The following SHPRH variants were observed in gnomAD, a reference collection of about 807,000 sequenced individuals.
The protein encoded by SHPRH is E3 ubiquitin-protein ligase SHPRH.
In SHPRH, 106 loss-of-function variants were observed where a neutral mutation model predicts 202.5. The observed-to-expected ratio is 0.52, with a 90% CI of 0.45 to 0.62. The LOEUF (loss-of-function observed/expected upper bound fraction) is 0.62, where lower values mean the gene tolerates loss of function less well. Ranked by LOEUF, SHPRH falls within the 20% of genes least tolerant of loss-of-function variation. SHPRH has a pLI of 0.00. For missense variants in SHPRH, 1,710 were observed against 2,020.0 expected (o/e 0.85, Z 2.94); for synonymous variants, 729 against 686.0 (o/e 1.06, Z -0.98).
At position 145,941,741 on chromosome 6, in the gene SHPRH, T is replaced by C. The variant is rs1786800094; in HGVS notation, c.2372A>G (p.Asp791Gly). 6.2e-7 allele frequency: 1 copy of C among 1,613,910 alleles called. No individual in the cohort carries two copies. The highest frequency in any genetic ancestry group is 1.3e-5 in the African/African-American group (1 of 74,910). ...YVDIPHSNSE[D>G]GRRLRNQKRY... is the part of the protein sequence containing the mutation. ...CTTCTGGTTCCGTAGGCGACGCCCA[T>C]CCTCACTATTGCTATGTGGGATATC... The change falls in exon 10 of 30, where the codon GAT becomes GGT. Residue 791 changes from aspartate to glycine, a missense_variant. By Grantham distance (94) the Asp-to-Gly change is moderately conservative. This residue lies in a region of SHPRH where 277 missense variants were observed against 363.0 expected (regional missense o/e 0.76). Transcript: ENST00000275233.
downstream of SHPRH, among the ~76,000 whole-genome samples, chr6:145,880,455 CCT>C (rs1388726554): frequency 6.6e-6 from 1 of 151,764 alleles, no homozygotes; most frequent in South Asian, 2.1e-4. Flanking sequence ...ATGGAGAAAC[CCT>C]GTCTCTACAA....
rs1045137567 is a variant in SHPRH at position 145,935,368 on chromosome 6, A to G, written c.2643T>C (p.Tyr881=). The change falls in exon 12 of 30, where the codon TAT becomes TAC. Residue 881 remains tyrosine (Y), a synonymous_variant. Coordinates refer to ENST00000275233, the MANE Select transcript of SHPRH (RefSeq NM_001042683.3). The part of the protein sequence containing the change: ...CVKHWWVRLL[Y]RPYCKKNPQH... ...GAGGATTCTTCTTGCAGTAAGGCCG[A>G]TAGAGAAGTCGAACCCACCAGTGTT... 15 of 1,614,076 alleles carry G rather than the reference A, an allele frequency of 9.3e-6. No individual in the cohort carries two copies. The highest frequency in any genetic ancestry group is 1.3e-5 in the Non-Finnish European group (15 of 1,179,998).
rs1780887740 is a variant in SHPRH, at chr6:145,885,120, C to A, written c.*1571G>T. 5 of 152,034 alleles carry A rather than the reference C, an allele frequency of 3.3e-5. No homozygotes were observed. The highest frequency in any genetic ancestry group is 2.6e-4 in the Admixed American group (4 of 15,258). 9.4% of individuals were successfully genotyped at this position (152,034 alleles called of 1,614,324 possible). A position where few individuals can be genotyped will look rare whatever the true frequency, so the allele number is the denominator to read the frequency against. On this transcript the variant is annotated 3_prime_UTR_variant, in exon 30 of 30. Transcript: ENST00000275233. The stretch of plus-strand genomic sequence containing the variant: ...GCTCCACTGTTTACTTGCTACATGT[C>A]CTAAGAAAGTTTCAATATATCTGAA...
downstream of SHPRH, among the ~76,000 whole-genome samples, chr6:145,860,215 T>C (rs1583237224): frequency 6.6e-6 from 1 of 151,978 alleles, no homozygotes; most frequent in Admixed American, 6.6e-5. Flanking sequence ...AACTATCTTA[T>C]ATCATGCACA....
At chr6:145,934,260 A>G (rs1785795052) in intron 13 of SHPRH, among the ~76,000 whole-genome samples, 1 of 151,958 alleles carries the variant, frequency 6.6e-6, no homozygotes, top group African/African-American at 2.4e-5. Context: ...TGAGGTCTGG[A>G]GTTCAAGACC....
chr6:145,943,238 T>C lies in SHPRH; in HGVS notation c.2143A>G (p.Thr715Ala). 2.5e-6 allele frequency: 4 copies of C among 1,613,854 alleles called. No homozygotes were observed. The highest frequency in any genetic ancestry group is 2.5e-6 in the Non-Finnish European group (3 of 1,179,912). The change falls in exon 9 of 30, where the codon ACA (threonine) becomes GCA (alanine). Residue 715 changes from threonine to alanine, a missense_variant. By Grantham distance (58) the Thr-to-Ala change is moderately conservative. Coordinates refer to ENST00000275233, the MANE Select transcript of SHPRH (RefSeq NM_001042683.3). ...GGAGAGATGATCAGAGTTGCTCTTG[T>C]TGACACTGGTTCCATTGCAACAAGG... ...HCLVAMEPVS[T>A]RATLIISPSS... is the part of the protein sequence containing the mutation.
chr6:145,923,509 G>GT, intron 18 of SHPRH, 134 bp downstream of exon 18: 1 of 1,098,890 alleles, frequency 9.1e-7, no homozygotes, highest in Non-Finnish European at 1.3e-6. Flanking sequence ...CAAAAAAGAA[G>GT]TATGAATGTG....
chr6:145,873,428 C>T (rs1780145463), intron 2 of SHPRH, among the ~76,000 whole-genome samples: 1 of 152,160 alleles, frequency 6.6e-6, no homozygotes, highest in Non-Finnish European at 1.5e-5. Context: ...TTTATTCTTA[C>T]ACTATCAATT....
chr6:145,943,431 A>G lies in SHPRH; in HGVS notation c.1950T>C (p.Ser650=). The part of the protein sequence containing the change: ...DSDVPPSNTM[S]PFNTSDYRFE... ...AGCGGTAATCAGAGGTGTTAAAGGG[A>G]CTCATGGTATTAGAAGGTGGTACAT... is the stretch of plus-strand genomic sequence containing the variant. The change falls in exon 9 of 30, where the codon AGT becomes AGC. Residue 650 remains serine, a synonymous_variant. Coordinates refer to ENST00000275233, the MANE Select transcript of SHPRH (RefSeq NM_001042683.3). 1 of 1,613,974 alleles carries G rather than the reference A, an allele frequency of 6.2e-7. No homozygotes were observed. The highest frequency in any genetic ancestry group is 8.5e-7 in the Non-Finnish European group (1 of 1,179,950).
At chr6:145,937,671 T>C (rs1334542400) in intron 11 of SHPRH, among the ~76,000 whole-genome samples, 3 of 152,218 alleles carry the variant, frequency 2.0e-5, no homozygotes, top group African/African-American at 4.8e-5. Context: ...ACATCCTCCA[T>C]GGTCCCATCT....
chr6:145,955,244 C>G lies in SHPRH; in HGVS notation c.79G>C (p.Glu27Gln), dbSNP rs758741939. Residue 27 changes from glutamate (E) to glutamine (Q), a missense_variant, in exon 2 of 30, where the codon GAG (glutamate) becomes CAG (glutamine). Physicochemically the swap from Glu to Gln is conservative, Grantham distance 29 (BLOSUM62 2). Around this residue, in one of 8 missense-constraint regions of SHPRH, gnomAD observed 459 missense variants for 426.5 expected, o/e 1.08. Coordinates refer to ENST00000275233, the MANE Select transcript of SHPRH (RefSeq NM_001042683.3). ...ATGATAGGTTCATTCCTTCTGTCCT[C>G]ATGCATATTCCAATGAAGCTGCTGC... ...KRQQLHWNMH[E>Q]DRRNEPIIIS... 3 of 1,613,184 alleles carry G rather than the reference C, an allele frequency of 1.9e-6. No individual in the cohort carries two copies. Among genetic ancestry groups the G allele is most frequent in the Non-Finnish European group, 2.5e-6 (3 of 1,179,902 alleles).
intron 23 of SHPRH, chr6:145,917,099 T>A (rs1279908721): frequency 6.6e-6 from 1 of 152,168 alleles, no homozygotes; most frequent in Non-Finnish European, 1.5e-5. Context: ...TGAAACTTTT[T>A]AATTTTTTTC....
intron 6 of SHPRH, among the ~76,000 whole-genome samples, chr6:145,947,133 T>C (rs1182903520): frequency 6.6e-6 from 1 of 152,066 alleles, no homozygotes; most frequent in Non-Finnish European, 1.5e-5. Context: ...GAGATTTGTA[T>C]AACATTTTTA....
chr6:145,941,778 A>G lies in SHPRH; in HGVS notation c.2335T>C (p.Leu779=), dbSNP rs1277082581. 1.1e-5 allele frequency: 17 copies of G among 1,613,912 alleles called. No individual in the cohort carries two copies. The highest frequency in any genetic ancestry group is 1.4e-5 in the Non-Finnish European group (17 of 1,179,980). Residue 779 remains leucine (L), a synonymous_variant, in exon 10 of 30, where the codon TTA becomes CTA. Coordinates refer to ENST00000275233, the MANE Select transcript of SHPRH (RefSeq NM_001042683.3). Reference sequence around the variant, plus strand: ...CTATGTGGGATATCGACATAATTTAATTCTGAACGCAGTACATCATAGGTA... The same window carrying G: ...CTATGTGGGATATCGACATAATTTAGTTCTGAACGCAGTACATCATAGGTA... ...IITYDVLRSE[L]NYVDIPHSNS...
rs147788752 is a variant in SHPRH, at chr6:145,936,734, A to G, written c.2570-1293T>C. On this transcript the variant is annotated intron_variant, in intron 11 of 29. Transcript: ENST00000275233. ...ATAAAAATATCCTTCCCACACCTAC[A>G]ACACTTATTCTGAAGATGATCAACA... Among the ~76,000 whole-genome samples, 443 of 152,276 alleles carry G rather than the reference A, an allele frequency of 2.9e-3. 1 individual carries two copies. The highest frequency in any genetic ancestry group is 9.3e-3 in the African/African-American group (385 of 41,552).
At chr6:145,900,536 T>G (rs1231874569) in intron 25 of SHPRH, among the ~76,000 whole-genome samples, 1 of 151,918 alleles carries the variant, frequency 6.6e-6, no homozygotes, top group Non-Finnish European at 1.5e-5. Flanking sequence ...TGGTGCAAAG[T>G]TTTAGTTAGA....
Position 145,918,148 on chromosome 6 carries a change from G to A in SHPRH, c.4237C>T (p.Leu1413=), listed in dbSNP as rs1441790718. 2 of 1,606,040 alleles carry A rather than the reference G, an allele frequency of 1.2e-6. No individual in the cohort carries two copies. Among genetic ancestry groups the A allele is most frequent in the East Asian group, 4.5e-5 (2 of 44,238 alleles). Residue 1413 remains leucine, a synonymous_variant, in exon 23 of 30, where the codon CTA becomes TTA. Coordinates refer to ENST00000275233, the MANE Select transcript of SHPRH (RefSeq NM_001042683.3). ...LQKKLGQLLY[L]TNLEKSQDKT... is the part of the protein sequence containing the mutation. ...AACAATACCTTCTCCAAATTAGTTA[G>A]GTAAAGAAGCTGCCCAAGTTTTTTC...
chr6:145,960,478 G>A (rs1788978744), intron 1 of SHPRH, among the ~76,000 whole-genome samples: 1 of 152,144 alleles, frequency 6.6e-6, no homozygotes, highest in Non-Finnish European at 1.5e-5. Context: ...TAATAACATG[G>A]TTATTGTGGA....
intron 7 of SHPRH, 53 bp from the exon 8 acceptor site, chr6:145,945,690 A>G: frequency 1.3e-6 from 2 of 1,510,792 alleles, no homozygotes; most frequent in Non-Finnish European, 1.8e-6. Flanking sequence ...ATGAAAAGAA[A>G]GTAAAACTTG....
Sources: allele counts gnomAD v4.1 joint callset (sites outside exome capture counted in the v4.1 genomes callset), GRCh38; gene constraint gnomAD v4.1.1; regional missense constraint gnomAD v4.1.1; transcripts MANE v1.5; gene names NCBI Gene and HGNC (gene_info 2026-07-23, HGNC 2026-07-21).